Variants in KIAA1328 observed in about 807,000 individuals in gnomAD.
The protein encoded by KIAA1328 is KIAA1328, also known as protein hinderin.
A neutral mutation model predicts 68.1 loss-of-function variants in KIAA1328; 52 were observed. The ratio of observed to expected loss-of-function variants is 0.76; its 90% confidence interval spans 0.61 to 0.96. The LOEUF is 0.96. KIAA1328 is among the 40% of genes least tolerant of loss of function. The probability of loss-of-function intolerance (pLI) is 0.00; values close to 1 mark genes in which losing one functional copy is unlikely to be tolerated. For missense variants in KIAA1328, 641 were observed against 677.6 expected, an observed-to-expected ratio of 0.95 and a Z score of 0.60; for synonymous variants, 232 against 239.4, an observed-to-expected ratio of 0.97 and a Z score of 0.28.
chr18:37,105,840 C>G (rs1386953892), intron 7 of KIAA1328, among the ~76,000 whole-genome samples: 1 of 140,202 alleles, frequency 7.1e-6, no homozygotes, highest in Non-Finnish European at 1.5e-5. Context: ...TCATTTGGAC[C>G]CAGGAGACAG....
At chr18:37,084,046 A>T in intron 7 of KIAA1328, 1 of 664,736 alleles carries the variant, frequency 1.5e-6, no homozygotes, top group Non-Finnish European at 2.2e-6. Flanking sequence ...TCTAGCTGAA[A>T]GAGCATGGTT....
chr18:36,869,819 T>C (rs1401543050), intron 4 of KIAA1328, among the ~76,000 whole-genome samples: 2 of 152,148 alleles, frequency 1.3e-5, no homozygotes, highest in African/African-American at 4.8e-5. Flanking sequence ...ATTTAGGACA[T>C]TTGAGAATTG....
At chr18:37,094,945 T>C (rs2057363289) in intron 7 of KIAA1328, among the ~76,000 whole-genome samples, 1 of 135,246 alleles carries the variant, frequency 7.4e-6, no homozygotes, top group East Asian at 2.0e-4. Context: ...ACAAAATAGG[T>C]TTTATGTCAA....
At chr18:36,940,974 G>A (rs2050689510) in intron 5 of KIAA1328, among the ~76,000 whole-genome samples, 1 of 152,100 alleles carries the variant, frequency 6.6e-6, no homozygotes, top group Non-Finnish European at 1.5e-5. Flanking sequence ...ATGCACAGCC[G>A]AGTGCTCATT....
intron 7 of KIAA1328, among the ~76,000 whole-genome samples, chr18:37,107,877 A>G (rs1395084994): frequency 6.8e-6 from 1 of 147,534 alleles, no homozygotes; most frequent in Non-Finnish European, 1.5e-5. Context: ...TAAAAAAAAA[A>G]ACAGATGCTG....
intron 7 of KIAA1328, chr18:37,084,438 C>CT (rs947158791): frequency 9.0e-5 from 26 of 288,182 alleles, no homozygotes; most frequent in Middle Eastern, 1.1e-3. Flanking sequence ...TTGAGAGAAT[C>CT]TTTTGAGCCC....
intron 7 of KIAA1328, among the ~76,000 whole-genome samples, chr18:37,083,774 T>C (rs2057018428): frequency 6.6e-6 from 1 of 152,198 alleles, no homozygotes; most frequent in Admixed American, 6.5e-5. Context: ...GAATTCACAT[T>C]GAGACACTGG....
At chr18:36,829,464 A>T in intron 1 of KIAA1328, 1 of 1,284,200 alleles carries the variant, frequency 7.8e-7, no homozygotes, top group Non-Finnish European at 9.8e-7. Flanking sequence ...GATAGCCTTG[A>T]GTCCAGGCTC....
At chr18:37,113,232 A>G (rs1699056) in intron 7 of KIAA1328, among the ~76,000 whole-genome samples, 61,427 of 151,958 alleles carry the variant, frequency 0.4, 14,267 homozygotes, top group African/African-American at 0.64. Context: ...TGAAATGAAG[A>G]AAAAAGTGTT....
chr18:36,837,950 AT>A (rs1026776400), intron 3 of KIAA1328, among the ~76,000 whole-genome samples: 20 of 151,894 alleles, frequency 1.3e-4, no homozygotes, highest in African/African-American at 4.6e-4. Flanking sequence ...TTATATTTTT[AT>A]TTTTGGAATT....
At chr18:37,178,262 G>A (rs904785138) in intron 9 of KIAA1328, among the ~76,000 whole-genome samples, 8 of 151,964 alleles carry the variant, frequency 5.3e-5, no homozygotes, top group Admixed American at 5.2e-4. Flanking sequence ...GCTTCTATGA[G>A]ATCAACGTTT....
chr18:36,923,250 TTAAACTAG>T (rs1373425081), intron 5 of KIAA1328, among the ~76,000 whole-genome samples: 6 of 152,220 alleles, frequency 3.9e-5, no homozygotes, highest in Admixed American at 3.3e-4. Flanking sequence ...AGCTTTCACC[TTAAACTAG>T]TAAAAGCAAA....
chr18:36,839,870 T>C (rs972916522), intron 3 of KIAA1328, among the ~76,000 whole-genome samples: 5 of 152,274 alleles, frequency 3.3e-5, no homozygotes, highest in Admixed American at 6.5e-5. Context: ...TATGCTGTAT[T>C]AGCTACAGAA....
intron 9 of KIAA1328, among the ~76,000 whole-genome samples, chr18:37,186,731 T>C (rs940475011): frequency 2.0e-5 from 3 of 152,266 alleles, no homozygotes; most frequent in African/African-American, 7.2e-5. Context: ...AAAGAAAGAA[T>C]GACTTACCAT....
At chr18:37,024,018 AC>A (rs1257284575) in intron 6 of KIAA1328, among the ~76,000 whole-genome samples, 2 of 151,982 alleles carry the variant, frequency 1.3e-5, no homozygotes, top group Non-Finnish European at 2.9e-5. Context: ...TGTGTATGTG[AC>A]AAAGTCTTGG....
At chr18:37,116,131 A>G (rs987637272) in intron 7 of KIAA1328, among the ~76,000 whole-genome samples, 35 of 151,786 alleles carry the variant, frequency 2.3e-4, no homozygotes, top group African/African-American at 8.2e-4. Flanking sequence ...AGCTACCAAT[A>G]ACTTTCTTCA....
At chr18:36,951,400 A>G (rs1399968020) in intron 5 of KIAA1328, among the ~76,000 whole-genome samples, 1 of 152,174 alleles carries the variant, frequency 6.6e-6, no homozygotes, top group East Asian at 1.9e-4. Context: ...ATGTAGGCTA[A>G]GGAATTCAGT....
chr18:36,861,701 A>C (rs11081968), intron 4 of KIAA1328, among the ~76,000 whole-genome samples: 61,086 of 151,912 alleles, frequency 0.4, 14,060 homozygotes, highest in African/African-American at 0.63. Flanking sequence ...GACAGGATCT[A>C]GCTCTGTTGC....
At chr18:37,177,806 TGGG>T (rs1256774150) in intron 9 of KIAA1328, among the ~76,000 whole-genome samples, 1 of 152,112 alleles carries the variant, frequency 6.6e-6, no homozygotes, top group Non-Finnish European at 1.5e-5. Flanking sequence ...ATAAATTATT[TGGG>T]GGCTTTTAAA....
Sources: allele counts gnomAD v4.1 joint callset (sites outside exome capture counted in the v4.1 genomes callset), GRCh38; gene constraint gnomAD v4.1.1; transcripts MANE v1.5; gene names NCBI Gene and HGNC (gene_info 2026-07-23, HGNC 2026-07-21).